The following BACE2 variants were observed in gnomAD, a reference collection of about 807,000 sequenced individuals.
BACE2 encodes the protein 56 kDa aspartic-like protease.
A neutral mutation model predicts 46.2 loss-of-function variants in BACE2; 17 were observed. The observed-to-expected ratio is 0.37, with a 90% CI of 0.25 to 0.55. The LOEUF is 0.55. BACE2 is among the 20% of genes least tolerant of loss of function. The pLI is 0.82. For missense variants in BACE2, 595 were observed against 698.1 expected, an observed-to-expected ratio of 0.85 and a Z score of 1.66; for synonymous variants, 277 against 295.9, an observed-to-expected ratio of 0.94 and a Z score of 0.66.
intron 4 of BACE2, among the ~76,000 whole-genome samples, 172 bp from the exon 5 acceptor site, chr21:41,243,204 G>A (rs991989229): frequency 1.3e-5 from 2 of 152,152 alleles, no homozygotes; most frequent in African/African-American, 2.4e-5. Flanking sequence ...GAGCCACCGC[G>A]CCTGGCTCCT....
intron 8 of BACE2, among the ~76,000 whole-genome samples, chr21:41,260,346 C>T (rs979817479): frequency 2.0e-5 from 3 of 150,002 alleles, no homozygotes; most frequent in Admixed American, 6.6e-5. Context: ...GGTTTTGCTG[C>T]GTTGCCCAGG....
At position 41,253,238 on chromosome 21, in the gene BACE2, G is replaced by A. The variant is rs934825129; in HGVS notation, c.1134+2337G>A. On this transcript the variant is annotated intron_variant, in intron 7 of 8. Transcript: ENST00000330333. ...GGGTGAATCACGAGGTCAGGAGTTC[G>A]AGACCAGCCTGGACAACACAGTGAA... is the stretch of plus-strand genomic sequence containing the variant. Among the ~76,000 whole-genome samples, 7 of 151,898 alleles carry A rather than the reference G, an allele frequency of 4.6e-5. No individual in the cohort carries two copies. In the East Asian group the frequency reaches 9.6e-4, roughly 21 times the overall value.
At chr21:41,230,835 A>AAAAAG (rs1198139278) in intron 2 of BACE2, among the ~76,000 whole-genome samples, 6 of 152,244 alleles carry the variant, frequency 3.9e-5, no homozygotes, top group African/African-American at 9.6e-5. Flanking sequence ...AAAAAAAGAA[A>AAAAAG]AAAAGAAAAG....
At chr21:41,188,565 C>G (rs1333051697) in intron 1 of BACE2, among the ~76,000 whole-genome samples, 1 of 152,162 alleles carries the variant, frequency 6.6e-6, no homozygotes, top group Non-Finnish European at 1.5e-5. Flanking sequence ...CCATCACCCC[C>G]CCAGACCCAG....
chr21:41,220,862 G>A (rs751303361), intron 1 of BACE2, among the ~76,000 whole-genome samples: 1 of 151,594 alleles, frequency 6.6e-6, no homozygotes, highest in Non-Finnish European at 1.5e-5. Context: ...TTACTAAAAC[G>A]AAGAGGTTTA....
At chr21:41,242,717 G>A (rs1436500437) in intron 4 of BACE2, among the ~76,000 whole-genome samples, 2 of 152,062 alleles carry the variant, frequency 1.3e-5, no homozygotes, top group Non-Finnish European at 2.9e-5. Flanking sequence ...CTAAATAATT[G>A]TCAGTCAGTG....
chr21:41,268,225 G>C (rs1456343907), intron 8 of BACE2, among the ~76,000 whole-genome samples: 2 of 152,118 alleles, frequency 1.3e-5, no homozygotes, highest in Non-Finnish European at 2.9e-5. Flanking sequence ...GACAAAACTG[G>C]GGGGCAAAGA....
At chr21:41,224,080 A>C (rs1284460522) in intron 1 of BACE2, among the ~76,000 whole-genome samples, 1 of 152,174 alleles carries the variant, frequency 6.6e-6, no homozygotes, top group Non-Finnish European at 1.5e-5. Flanking sequence ...AGAGGGAGCG[A>C]GACTGAGTCA....
intron 1 of BACE2, among the ~76,000 whole-genome samples, chr21:41,212,752 A>G (rs748447803): frequency 9.2e-5 from 14 of 152,160 alleles, no homozygotes; most frequent in Non-Finnish European, 1.6e-4. Context: ...TGGACACTAG[A>G]TAATCTCACT....
intron 2 of BACE2, among the ~76,000 whole-genome samples, chr21:41,234,890 T>C (rs1247411742): frequency 6.6e-6 from 1 of 152,230 alleles, no homozygotes; most frequent in Non-Finnish European, 1.5e-5. Context: ...TCTGTTTTTG[T>C]ACCTGCCCAT....
chr21:41,190,517 G>C (rs1428255667), intron 1 of BACE2, among the ~76,000 whole-genome samples: 9 of 152,146 alleles, frequency 5.9e-5, no homozygotes, highest in Non-Finnish European at 1.3e-4. Context: ...TACAGTCCTC[G>C]TTTCTGCAGC....
chr21:41,224,208 G>GTTTTTTT (rs1986739527), intron 1 of BACE2, among the ~76,000 whole-genome samples: 2 of 102,856 alleles, frequency 1.9e-5, no homozygotes, highest in Non-Finnish European at 1.9e-5. Flanking sequence ...TGCCTATTTT[G>GTTTTTTT]ATTTTTTTTT....
intron 1 of BACE2, among the ~76,000 whole-genome samples, chr21:41,216,428 G>T (rs1314127598): frequency 6.6e-6 from 1 of 152,224 alleles, no homozygotes; most frequent in African/African-American, 2.4e-5. Context: ...ACTAGCTTTT[G>T]CTGGAACTGC....
chr21:41,240,722 G>C (rs1478866366), intron 3 of BACE2, among the ~76,000 whole-genome samples: 1 of 152,208 alleles, frequency 6.6e-6, no homozygotes, highest in African/African-American at 2.4e-5. Flanking sequence ...CAAGTGTTCT[G>C]ACAGAGATTG....
In BACE2 at chr21:41,280,475, C is replaced by T. The variant is rs892875256; in HGVS notation, c.*4851C>T. 2 of 152,404 alleles carry T rather than the reference C, an allele frequency of 1.3e-5. No individual in the cohort carries two copies. The highest frequency in any genetic ancestry group is 2.1e-4 in the South Asian group (1 of 4,830). The allele number at this position is 152,404 out of a possible 1,614,324, so 9.4% of individuals were successfully genotyped here. On this transcript the variant is annotated 3_prime_UTR_variant, in exon 9 of 9. Transcript: ENST00000330333. ...GAGCCCTGCTCCCCAGGCTCCACGT[C>T]CCCGGAAGGTCCATCTTGTCCTGGA... is the stretch of plus-strand genomic sequence containing the variant.
chr21:41,210,352 C>T (rs1343585600), intron 1 of BACE2, among the ~76,000 whole-genome samples: 3 of 152,112 alleles, frequency 2.0e-5, no homozygotes, highest in South Asian at 4.2e-4. Context: ...TTAGGCACAA[C>T]GGCTGACCAG....
chr21:41,239,133 A>G (rs1987217665), intron 3 of BACE2, among the ~76,000 whole-genome samples: 1 of 151,818 alleles, frequency 6.6e-6, no homozygotes, highest in Non-Finnish European at 1.5e-5. Flanking sequence ...CCATGAGGAT[A>G]ATCTTCCCAT....
chr21:41,267,981 G>C (rs2088396576), intron 8 of BACE2, among the ~76,000 whole-genome samples: 1 of 152,144 alleles, frequency 6.6e-6, no homozygotes. Context: ...TAAAATTACA[G>C]ATCTTCCACA....
chr21:41,168,593 C>T lies in BACE2; in HGVS notation c.312+18C>T. ...CGCAGAAGGTAGGGACCCCCGGCTGCTGCCGCGGGCTTTTCGGGCTCGTTG... is the reference window on the plus strand; with the variant it reads ...CGCAGAAGGTAGGGACCCCCGGCTGTTGCCGCGGGCTTTTCGGGCTCGTTG... On this transcript the variant is annotated intron_variant, in intron 1 of 8. Transcript: ENST00000330333. 1 of 1,305,840 alleles carries T rather than the reference C, an allele frequency of 7.7e-7. No homozygotes were observed. The highest frequency in any genetic ancestry group is 9.8e-7 in the Non-Finnish European group (1 of 1,019,808). 80.9% of individuals were successfully genotyped at this position (1,305,840 alleles called of 1,614,324 possible).
Sources: allele counts gnomAD v4.1 joint callset (sites outside exome capture counted in the v4.1 genomes callset), GRCh38; gene constraint gnomAD v4.1.1; transcripts MANE v1.5; gene names NCBI Gene and HGNC (gene_info 2026-07-23, HGNC 2026-07-21).